COMMD10: variants seen among roughly 807,000 people sequenced by gnomAD.
The protein encoded by COMMD10 is COMM domain containing 10.
Under a neutral mutation model 28.9 loss-of-function variants are expected in COMMD10, and 33 were observed. That is an observed-to-expected ratio of 1.14 (90% confidence interval 0.87 to 1.53). COMMD10 has a LOEUF of 1.53. Ranked by LOEUF, COMMD10 falls within the 40% of genes most tolerant of loss-of-function variation. COMMD10 has a pLI of 0.00. For synonymous variants in COMMD10, 110 were observed against 81.7 expected (o/e 1.35, Z -1.87); for missense variants, 310 against 233.4 (o/e 1.33, Z -2.14).
At chr5:116,258,835 G>C (rs1750360859) in intron 5 of COMMD10, among the ~76,000 whole-genome samples, 1 of 151,374 alleles carries the variant, frequency 6.6e-6, no homozygotes, top group East Asian at 1.9e-4. Flanking sequence ...CTCTGCTTTT[G>C]TCTGAAACCC....
At chr5:116,254,631 G>C (rs1042712806) in intron 5 of COMMD10, among the ~76,000 whole-genome samples, 3 of 151,714 alleles carry the variant, frequency 2.0e-5, no homozygotes, top group African/African-American at 7.3e-5. Flanking sequence ...TTAATCCTGA[G>C]TTCTAGTTTG....
chr5:116,099,752 G>A (rs1055234398), intron 4 of COMMD10, among the ~76,000 whole-genome samples: 79 of 152,072 alleles, frequency 5.2e-4, no homozygotes, highest in Admixed American at 4.9e-3. Flanking sequence ...TTTTTGGTGG[G>A]GAGAATGTCT....
chr5:116,123,821 T>C (rs1263480007), intron 4 of COMMD10, among the ~76,000 whole-genome samples: 1 of 152,184 alleles, frequency 6.6e-6, no homozygotes, highest in African/African-American at 2.4e-5. Context: ...TCCAGGAATT[T>C]ATCCATTTCT....
chr5:116,190,623 A>C (rs564138391), intron 5 of COMMD10, among the ~76,000 whole-genome samples: 1 of 152,328 alleles, frequency 6.6e-6, no homozygotes, highest in South Asian at 2.1e-4. Context: ...TAAATGCTAA[A>C]TCATCTTGAG....
intron 4 of COMMD10, among the ~76,000 whole-genome samples, chr5:116,101,836 C>T (rs527611196): frequency 2.0e-5 from 3 of 152,140 alleles, no homozygotes; most frequent in African/African-American, 7.2e-5. Context: ...TATCTGTTGG[C>T]CATTTTTATG....
At chr5:116,194,280 A>T (rs1224416565) in intron 5 of COMMD10, among the ~76,000 whole-genome samples, 3 of 152,102 alleles carry the variant, frequency 2.0e-5, no homozygotes, top group African/African-American at 7.2e-5. Flanking sequence ...ACAAGAACAA[A>T]CCAAACCCAA....
intron 5 of COMMD10, among the ~76,000 whole-genome samples, chr5:116,169,869 C>G (rs1753262252): frequency 6.6e-6 from 1 of 152,068 alleles, no homozygotes; most frequent in African/African-American, 2.4e-5. Flanking sequence ...ATGACATACC[C>G]ACAGCCAATA....
chr5:116,269,994 T>C (rs1179811548), intron 5 of COMMD10, among the ~76,000 whole-genome samples: 2 of 151,954 alleles, frequency 1.3e-5, no homozygotes, highest in African/African-American at 4.9e-5. Flanking sequence ...ATTTTTATTG[T>C]TATTTTCTGA....
At chr5:116,150,821 C>T (rs1388083163) in intron 5 of COMMD10, among the ~76,000 whole-genome samples, 2 of 132,572 alleles carry the variant, frequency 1.5e-5, no homozygotes, top group African/African-American at 2.8e-5. Context: ...AATTTGACTT[C>T]CTCTTTTCCT....
intron 5 of COMMD10, among the ~76,000 whole-genome samples, chr5:116,160,964 G>A (rs774386333): frequency 1.3e-5 from 2 of 151,868 alleles, no homozygotes; most frequent in Non-Finnish European, 2.9e-5. Context: ...TTAATTTCAG[G>A]TATTTTTTTC....
chr5:116,183,655 A>G (rs545853456), intron 5 of COMMD10, among the ~76,000 whole-genome samples: 6 of 152,234 alleles, frequency 3.9e-5, no homozygotes, highest in African/African-American at 1.4e-4. Context: ...TTGTTCACCA[A>G]TATATTCACT....
At chr5:116,151,946 G>A (rs937324412) in intron 5 of COMMD10, among the ~76,000 whole-genome samples, 1 of 152,160 alleles carries the variant, frequency 6.6e-6, no homozygotes, top group African/African-American at 2.4e-5. Flanking sequence ...TAATTGTGAT[G>A]TTAGGGTGTC....
intron 5 of COMMD10, among the ~76,000 whole-genome samples, chr5:116,207,682 C>T (rs1490838196): frequency 1.3e-5 from 2 of 152,108 alleles, no homozygotes; most frequent in African/African-American, 4.8e-5. Flanking sequence ...TGCATCACCA[C>T]ACCCAGCTAA....
At chr5:116,090,035 G>A (rs1750246111) in intron 2 of COMMD10, among the ~76,000 whole-genome samples, 3 of 152,180 alleles carry the variant, frequency 2.0e-5, no homozygotes, top group Non-Finnish European at 4.4e-5. Flanking sequence ...TAGGGATTTT[G>A]TTGCCCCTCT....
chr5:116,215,827 C>T (rs1223225868), intron 5 of COMMD10, among the ~76,000 whole-genome samples: 2 of 147,800 alleles, frequency 1.4e-5, no homozygotes, highest in African/African-American at 2.5e-5. Context: ...GTTCTGTTTA[C>T]TTGTAATCAA....
At chr5:116,180,249 G>A (rs575713389) in intron 5 of COMMD10, among the ~76,000 whole-genome samples, 7 of 152,110 alleles carry the variant, frequency 4.6e-5, no homozygotes, top group Non-Finnish European at 4.4e-5. Flanking sequence ...GTACATTCAG[G>A]TTTATAGAAA....
chr5:116,255,066 C>G (rs2112678430), intron 5 of COMMD10, among the ~76,000 whole-genome samples: 1 of 151,674 alleles, frequency 6.6e-6, no homozygotes, highest in Non-Finnish European at 1.5e-5. Context: ...CCTTCTTTGT[C>G]TCTTTTGATC....
intron 4 of COMMD10, among the ~76,000 whole-genome samples, chr5:116,115,234 G>A (rs943799189): frequency 3.9e-5 from 6 of 152,106 alleles, no homozygotes; most frequent in African/African-American, 1.4e-4. Flanking sequence ...GGAGGGTCAA[G>A]ATACACTCCC....
In COMMD10 at chr5:116,293,260, C is replaced by T; in HGVS notation, c.*771C>T. The T allele has an allele frequency of 5.7e-6, 2 of 350,548 alleles. No homozygotes were observed. Among genetic ancestry groups the T allele is most frequent in the Non-Finnish European group, 1.0e-5 (2 of 196,432 alleles). 21.7% of individuals were successfully genotyped at this position (350,548 alleles called of 1,614,324 possible). A position where few individuals can be genotyped will look rare whatever the true frequency, so the allele number is the denominator to read the frequency against. ...TCTCTTTCCATAAATACGTTGATTT[C>T]TGTCAATAAAATTTTTGTGTCTTAG... is the stretch of plus-strand genomic sequence containing the variant. On this transcript the variant is annotated 3_prime_UTR_variant, in exon 7 of 7. Coordinates refer to ENST00000274458, the MANE Select transcript of COMMD10 (RefSeq NM_016144.4).
Sources: allele counts gnomAD v4.1 joint callset (sites outside exome capture counted in the v4.1 genomes callset), GRCh38; gene constraint gnomAD v4.1.1; transcripts MANE v1.5; gene names NCBI Gene and HGNC (gene_info 2026-07-23, HGNC 2026-07-21).